Variants in CLIC4 observed in about 807,000 individuals in gnomAD.
CLIC4 encodes chloride intracellular channel protein 4.
In CLIC4, 13 loss-of-function variants were observed where a neutral mutation model predicts 24.6. The ratio of observed to expected loss-of-function variants is 0.53; its 90% CI spans 0.34 to 0.84. The LOEUF (loss-of-function observed/expected upper bound fraction) is 0.84. Ranked by LOEUF, CLIC4 falls within the 40% of genes least tolerant of loss-of-function variation. The probability of loss-of-function intolerance (pLI) is 0.01; values close to 1 mark genes in which losing one functional copy is unlikely to be tolerated. For synonymous variants in CLIC4, 104 were observed against 111.3 expected, an observed-to-expected ratio of 0.93 and a Z score of 0.41; for missense variants, 227 against 301.7, an observed-to-expected ratio of 0.75 and a Z score of 1.83.
intron 1 of CLIC4, among the ~76,000 whole-genome samples, chr1:24,794,399 TG>T (rs915025242): frequency 2.6e-5 from 4 of 151,284 alleles, no homozygotes; most frequent in Admixed American, 2.0e-4. Context: ...TGGTGTGAAA[TG>T]GTATCTCACT....
intron 2 of CLIC4, among the ~76,000 whole-genome samples, chr1:24,798,319 T>C (rs749778587): frequency 3.9e-5 from 6 of 152,244 alleles, no homozygotes; most frequent in African/African-American, 4.8e-5. Flanking sequence ...AGTAATTTTC[T>C]ATAGCATTTT....
chr1:24,758,328 G>A (rs576117621), intron 1 of CLIC4, among the ~76,000 whole-genome samples: 8 of 137,480 alleles, frequency 5.8e-5, no homozygotes, highest in South Asian at 2.3e-4. Flanking sequence ...TTTTTTCCTC[G>A]TTCTTTCTCC....
At chr1:24,762,989 C>A (rs1557796194) in intron 1 of CLIC4, among the ~76,000 whole-genome samples, 1 of 152,168 alleles carries the variant, frequency 6.6e-6, no homozygotes, top group African/African-American at 2.4e-5. Flanking sequence ...CAAGGAATCT[C>A]CCAAATGGCC....
intron 1 of CLIC4, among the ~76,000 whole-genome samples, chr1:24,746,463 C>A (rs2124070531): frequency 6.6e-6 from 1 of 152,344 alleles, no homozygotes. Flanking sequence ...CATACTACCC[C>A]TCTTCCTTTG....
At chr1:24,779,926 G>A (rs1403492365) in intron 1 of CLIC4, among the ~76,000 whole-genome samples, 1 of 152,070 alleles carries the variant, frequency 6.6e-6, no homozygotes, top group African/African-American at 2.4e-5. Context: ...TTTTCCATAT[G>A]GCAGAGTGTT....
At chr1:24,837,258 A>G (rs1166533405) in intron 4 of CLIC4, among the ~76,000 whole-genome samples, 1 of 152,214 alleles carries the variant, frequency 6.6e-6, no homozygotes, top group African/African-American at 2.4e-5. Context: ...CAGATCTTAC[A>G]TTAAAATGAT....
intron 1 of CLIC4, among the ~76,000 whole-genome samples, chr1:24,796,121 T>C (rs1057504926): frequency 6.6e-6 from 1 of 152,248 alleles, no homozygotes; most frequent in Non-Finnish European, 1.5e-5. Context: ...TTGTTTATGT[T>C]TTAAATTATA....
At position 24,793,463 on chromosome 1, in the gene CLIC4, C is replaced by T. The variant is rs1251666943; in HGVS notation, c.73-4279C>T. 2.0e-5 allele frequency among the ~76,000 whole-genome samples: 3 copies of T among 152,120 alleles called. No homozygotes were observed. In the East Asian group the frequency reaches 5.8e-4, roughly 29 times the overall value. ...TCAGAATCTCCTTGAGTGCCTATAACAAAATAAGGATTCCTGGGCCCCAAC... is the reference window on the plus strand; with the variant it reads ...TCAGAATCTCCTTGAGTGCCTATAATAAAATAAGGATTCCTGGGCCCCAAC... On this transcript the variant is annotated intron_variant, in intron 1 of 5. Coordinates refer to ENST00000374379, the MANE Select transcript of CLIC4 (RefSeq NM_013943.3).
chr1:24,779,203 C>G (rs1022441697), intron 1 of CLIC4, among the ~76,000 whole-genome samples: 8 of 152,170 alleles, frequency 5.3e-5, no homozygotes, highest in African/African-American at 1.9e-4. Flanking sequence ...GGCATGGTAG[C>G]TTACGCCTGT....
chr1:24,776,338 T>C lies in CLIC4; in HGVS notation c.73-21404T>C, dbSNP rs556383841. 9.8e-5 allele frequency among the ~76,000 whole-genome samples: 15 copies of C among 152,296 alleles called. 1 individual carries two copies. In the South Asian group the frequency reaches 3.1e-3, roughly 32 times the overall value. ...GCTAAAAGATAAAACTTGGGGAAAC[T>C]TGTCCAGTGCAGTTCCTTTCCTCCA... On this transcript the variant is annotated intron_variant, in intron 1 of 5. Transcript: ENST00000374379.
intron 1 of CLIC4, among the ~76,000 whole-genome samples, chr1:24,746,253 T>TC (rs1365020682): frequency 6.6e-6 from 1 of 152,208 alleles, no homozygotes; most frequent in Non-Finnish European, 1.5e-5. Context: ...TTACTGGCTT[T>TC]CTCGTTTCTC....
chr1:24,839,752 A>T, intron 4 of CLIC4, 108 bp from the exon 5 acceptor site: 2 of 961,920 alleles, frequency 2.1e-6, no homozygotes, highest in Non-Finnish European at 3.1e-6. Context: ...ACCTTGTTTC[A>T]GAGTAAACAT....
At chr1:24,785,885 A>G (rs1383636237) in intron 1 of CLIC4, among the ~76,000 whole-genome samples, 3 of 151,572 alleles carry the variant, frequency 2.0e-5, no homozygotes, top group Admixed American at 6.6e-5. Flanking sequence ...AAGAAAAGAA[A>G]AAAAGAAAAA....
At chr1:24,799,523 C>T (rs1252030510) in intron 2 of CLIC4, among the ~76,000 whole-genome samples, 23 of 151,772 alleles carry the variant, frequency 1.5e-4, no homozygotes, top group African/African-American at 5.3e-4. Context: ...TGAGGAGCGT[C>T]TCCGCCCGGC....
intron 1 of CLIC4, among the ~76,000 whole-genome samples, chr1:24,763,533 C>CAAAAA (rs33955013): frequency 1.1e-4 from 9 of 78,904 alleles, no homozygotes; most frequent in Non-Finnish European, 1.8e-4. Context: ...ACTCCGTCTC[C>CAAAAA]AAAAAAAAAA....
intron 1 of CLIC4, among the ~76,000 whole-genome samples, chr1:24,792,544 A>G (rs1433189089): frequency 2.0e-5 from 3 of 152,302 alleles, no homozygotes; most frequent in Admixed American, 6.5e-5. Flanking sequence ...TCATCTGACT[A>G]GTAGCTCCCA....
At chr1:24,747,079 C>A (rs1477690845) in intron 1 of CLIC4, among the ~76,000 whole-genome samples, 2 of 148,436 alleles carry the variant, frequency 1.3e-5, no homozygotes, top group African/African-American at 5.0e-5. Context: ...GATTTTCTTT[C>A]AATTGTCAAT....
Position 24,803,039 on chromosome 1 carries a change from C to A in CLIC4, c.182+5188C>A, listed in dbSNP as rs76884987. Among the ~76,000 whole-genome samples the A allele has an allele frequency of 3.0e-3, 461 of 152,262 alleles. 1 individual carries two copies. Among genetic ancestry groups the A allele is most frequent in the Non-Finnish European group, 4.9e-3 (334 of 68,020 alleles). The stretch of plus-strand genomic sequence containing the variant: ...CAAATCTTTTCTATGAGTTTACACA[C>A]TTGCAGTCTTGAACAAAATTTTAAA... On this transcript the variant is annotated intron_variant, in intron 2 of 5. Coordinates refer to ENST00000374379, the MANE Select transcript of CLIC4 (RefSeq NM_013943.3).
chr1:24,772,048 C>T (rs1639077215), intron 1 of CLIC4, among the ~76,000 whole-genome samples: 1 of 152,114 alleles, frequency 6.6e-6, no homozygotes, highest in African/African-American at 2.4e-5. Context: ...TAGAAGCAAT[C>T]TATTAGATAA....
Sources: gnomAD v4.1 joint callset for allele counts (sites outside exome capture counted in the v4.1 genomes callset) on GRCh38, gnomAD v4.1.1 for gene constraint, MANE v1.5 for transcripts, NCBI Gene and HGNC (gene_info 2026-07-23, HGNC 2026-07-21) for gene names.